Variants in MBD5 observed in about 807,000 individuals in gnomAD.
MBD5 encodes methyl-CpG binding domain protein 5, also known as methyl-CpG-binding domain protein 5.
MBD5 carries 13 observed loss-of-function variants against 117.3 expected under a neutral mutation model. That is an observed-to-expected ratio of 0.11 (90% CI 0.07 to 0.18). The LOEUF (loss-of-function observed/expected upper bound fraction) is 0.18, where lower values mean the gene tolerates loss of function less well. Ranked by LOEUF, MBD5 falls within the 10% of genes least tolerant of loss-of-function variation. The pLI is 1.00. For missense variants in MBD5, 1,879 were observed against 2,093.8 expected (o/e 0.90, Z 2.00); for synonymous variants, 727 against 766.4 (o/e 0.95, Z 0.85).
At chr2:148,503,098 CAT>C (rs1681921088) in intron 12 of MBD5, 1 of 159,698 alleles carries the variant, frequency 6.3e-6, no homozygotes, top group South Asian at 1.8e-4. Context: ...ATATTAGAAA[CAT>C]AGTTTTTACT....
intron 1 of MBD5, among the ~76,000 whole-genome samples, chr2:148,164,728 C>T (rs1402218979): frequency 6.6e-6 from 1 of 152,070 alleles, no homozygotes; most frequent in Non-Finnish European, 1.5e-5. Flanking sequence ...ATTGATTAAT[C>T]ACTGATTGTT....
rs1704491164 is a variant in MBD5, at chr2:148,389,300, AT to A, written c.-557+46965del. On this transcript the variant is annotated intron_variant, in intron 4 of 13. Coordinates refer to ENST00000642680, the MANE Select transcript of MBD5 (RefSeq NM_001378120.1). Reference sequence around the variant, plus strand: ...TATATATATATATATATATATATATATATAACATTTTCTTTATCCAACCCAA... The same window carrying A: ...TATATATATATATATATATATATATAATAACATTTTCTTTATCCAACCCAA... Among the ~76,000 whole-genome samples, 6 of 101,770 alleles carry A rather than the reference AT, an allele frequency of 5.9e-5. No homozygotes were observed. In the East Asian group the frequency reaches 1.2e-3, roughly 20 times the overall value. The allele number at this position is 101,770 out of a possible 152,430, so 66.8% of individuals were successfully genotyped here.
chr2:148,297,281 T>C (rs1305872406), intron 3 of MBD5, among the ~76,000 whole-genome samples: 4 of 152,222 alleles, frequency 2.6e-5, no homozygotes, highest in African/African-American at 9.6e-5. Context: ...TTGTCATTGT[T>C]GTTGGCCTGT....
chr2:148,309,337 T>C (rs574209945), intron 3 of MBD5, among the ~76,000 whole-genome samples: 1 of 152,302 alleles, frequency 6.6e-6, no homozygotes, highest in South Asian at 2.1e-4. Flanking sequence ...CCTTCAGCAG[T>C]GGTTTGTAAT....
At chr2:148,042,531 A>G (rs1694391258) in intron 1 of MBD5, among the ~76,000 whole-genome samples, 1 of 152,160 alleles carries the variant, frequency 6.6e-6, no homozygotes, top group East Asian at 1.9e-4. Context: ...ACAGTTTTTA[A>G]AATTTACCAT....
chr2:148,059,303 G>C (rs1694961602), intron 1 of MBD5, among the ~76,000 whole-genome samples: 1 of 151,712 alleles, frequency 6.6e-6, no homozygotes, highest in Admixed American at 6.6e-5. Flanking sequence ...AAAAAAAAAA[G>C]TTTTCTATTT....
chr2:148,150,294 A>T (rs1697613662), intron 1 of MBD5, among the ~76,000 whole-genome samples: 1 of 148,614 alleles, frequency 6.7e-6, no homozygotes, highest in South Asian at 2.2e-4. Context: ...TGTTCCATTG[A>T]TCTATATCTC....
intron 3 of MBD5, among the ~76,000 whole-genome samples, chr2:148,334,290 CTG>C (rs1490107350): frequency 6.6e-6 from 1 of 151,998 alleles, no homozygotes; most frequent in East Asian, 1.9e-4. Flanking sequence ...AGCTTCCAAA[CTG>C]TGGTTACTGT....
chr2:148,156,853 G>T (rs1697888834), intron 1 of MBD5, among the ~76,000 whole-genome samples: 2 of 152,078 alleles, frequency 1.3e-5, no homozygotes, highest in African/African-American at 4.8e-5. Context: ...GTTATTTATT[G>T]AATGATAGCC....
chr2:148,077,898 A>G (rs1695544900), intron 1 of MBD5, among the ~76,000 whole-genome samples: 1 of 152,138 alleles, frequency 6.6e-6, no homozygotes, highest in Admixed American at 6.5e-5. Flanking sequence ...AATTTATGAT[A>G]GAGTTGGGAG....
At chr2:148,332,759 G>A (rs1443392773) in intron 3 of MBD5, among the ~76,000 whole-genome samples, 1 of 152,040 alleles carries the variant, frequency 6.6e-6, no homozygotes. Context: ...ATGCCCTTTT[G>A]GAGGCCTATT....
At chr2:148,356,957 A>G (rs1703396431) in intron 4 of MBD5, among the ~76,000 whole-genome samples, 1 of 152,048 alleles carries the variant, frequency 6.6e-6, no homozygotes, top group Admixed American at 6.6e-5. Flanking sequence ...AAGAACAAGT[A>G]TATGGATAAT....
chr2:148,169,950 T>A (rs979978708), intron 1 of MBD5, among the ~76,000 whole-genome samples: 1 of 150,556 alleles, frequency 6.6e-6, no homozygotes, highest in Non-Finnish European at 1.5e-5. Flanking sequence ...CAGGCTGGAG[T>A]GCAGTGGCGC....
intron 2 of MBD5, among the ~76,000 whole-genome samples, chr2:148,228,523 T>G (rs569437130): frequency 6.6e-6 from 1 of 152,238 alleles, no homozygotes; most frequent in Non-Finnish European, 1.5e-5. Context: ...CAGTATTTTA[T>G]TGAGGATTTT....
intron 4 of MBD5, among the ~76,000 whole-genome samples, chr2:148,356,040 CT>C (rs1323626354): frequency 6.6e-6 from 1 of 152,046 alleles, no homozygotes; most frequent in African/African-American, 2.4e-5. Context: ...CTTAACATCC[CT>C]TGTAAGTTGT....
chr2:148,399,212 G>A (rs1315698546), intron 4 of MBD5, among the ~76,000 whole-genome samples: 2 of 152,136 alleles, frequency 1.3e-5, no homozygotes, highest in Non-Finnish European at 2.9e-5. Context: ...AGCTTGATGG[G>A]GATGGCGTTG....
chr2:148,050,708 T>C (rs1694674577), intron 1 of MBD5, among the ~76,000 whole-genome samples: 1 of 152,212 alleles, frequency 6.6e-6, no homozygotes, highest in Non-Finnish European at 1.5e-5. Flanking sequence ...AAAAATCTGT[T>C]AATCAAAGAC....
At chr2:148,202,556 G>A (rs1699171029) in intron 2 of MBD5, among the ~76,000 whole-genome samples, 1 of 151,942 alleles carries the variant, frequency 6.6e-6, no homozygotes, top group Non-Finnish European at 1.5e-5. Context: ...AAATGTAAGG[G>A]GCTTATAGAT....
In MBD5 at chr2:148,060,132, C is replaced by CAAAAAAAAAAAA; in HGVS notation, c.-925+38467_-925+38478dup. Among the ~76,000 whole-genome samples the CAAAAAAAAAAAA allele has an allele frequency of 6.5e-3, 91 of 14,052 alleles. 38 individuals are homozygous for CAAAAAAAAAAAA. Among genetic ancestry groups the CAAAAAAAAAAAA allele is most frequent in the East Asian group, 0.016 (6 of 378 alleles). 9.2% of individuals were successfully genotyped at this position (14,052 alleles called of 152,430 possible). On this transcript the variant is annotated intron_variant, in intron 1 of 13. Transcript: ENST00000642680. Reference sequence around the variant, plus strand: ...TGAAACCCTGTCTCTACAAAAAGTGCAAAAAAAAAAAAAAAAAAAAAAAAA... The same window carrying CAAAAAAAAAAAA: ...TGAAACCCTGTCTCTACAAAAAGTGCAAAAAAAAAAAAAAAAAAAAAAAAAAAAAAAAAAAAA...
Sources: allele counts gnomAD v4.1 joint callset (sites outside exome capture counted in the v4.1 genomes callset), GRCh38; gene constraint gnomAD v4.1.1; transcripts MANE v1.5; gene names NCBI Gene and HGNC (gene_info 2026-07-23, HGNC 2026-07-21).